The following LIMS1 variants were observed in gnomAD, a reference collection of about 807,000 sequenced individuals.
The protein encoded by LIMS1 is LIM and senescent cell antigen-like-containing domain protein 1.
LIMS1 carries 18 observed loss-of-function variants against 44.1 expected under a neutral mutation model. The ratio of observed to expected loss-of-function variants is 0.41; its 90% CI spans 0.28 to 0.61. LIMS1 has a LOEUF of 0.61. Ranked by LOEUF, LIMS1 falls within the 20% of genes least tolerant of loss-of-function variation. LIMS1 has a pLI of 0.32. For synonymous variants in LIMS1, 93 were observed against 149.1 expected (o/e 0.62, Z 2.74); for missense variants, 201 against 422.0 (o/e 0.48, Z 4.59).
In LIMS1 at chr2:108,666,129, C is replaced by T. The variant is rs181449935; in HGVS notation, c.193-4652C>T. 2.0e-4 allele frequency among the ~76,000 whole-genome samples: 31 copies of T among 152,252 alleles called. No homozygotes were observed. The East Asian group carries it at 3.3e-3, about 16-fold the overall frequency. ...ACACTATCTACCTGGAGACCACAGA[C>T]TGAGGGGCAGCCCCAGGACTGTCCT... On this transcript the variant is annotated intron_variant, in intron 2 of 9. Coordinates refer to ENST00000544547, the Ensembl canonical transcript of LIMS1.
At chr2:108,659,699 T>C (rs1465612398) in exon 2 of LIMS1, 11 of 1,612,350 alleles carry the variant, frequency 6.8e-6, no homozygotes, top group Non-Finnish European at 9.3e-6. Context: ...TGGGGAGCTG[T>C]ACCATGAGCA....
At chr2:108,609,498 G>A in intron 1 of LIMS1, among the ~76,000 whole-genome samples, 1 of 152,162 alleles carries the variant, frequency 6.6e-6, no homozygotes, top group East Asian at 1.9e-4. Flanking sequence ...TTTCCAGAGT[G>A]AGGCGCCCAC....
At chr2:108,591,293 T>G (rs12622759) in intron 1 of LIMS1, among the ~76,000 whole-genome samples, 62,694 of 151,948 alleles carry the variant, frequency 0.41, 14,863 homozygotes, top group East Asian at 0.94. Context: ...TAATGCCAGA[T>G]GTGTGAACAT....
At chr2:108,588,629 G>A (rs901968510) in intron 1 of LIMS1, 3 of 983,428 alleles carry the variant, frequency 3.1e-6, no homozygotes, top group Non-Finnish European at 3.6e-6. Flanking sequence ...CAAACACAGG[G>A]TATTGTTGTA....
At chr2:108,596,560 A>G (rs372637721) in intron 1 of LIMS1, among the ~76,000 whole-genome samples, 3,515 of 152,076 alleles carry the variant, frequency 0.023, no homozygotes, top group African/African-American at 0.058. Flanking sequence ...GGCATGGCAC[A>G]CGCCTGTAAT....
intron 1 of LIMS1, among the ~76,000 whole-genome samples, chr2:108,564,860 C>G (rs145166492): frequency 8.2e-4 from 125 of 152,034 alleles, no homozygotes; most frequent in Non-Finnish European, 1.4e-3. Flanking sequence ...ACTGTGTAGC[C>G]TAAGGGAACT....
chr2:108,594,273 A>G (rs1156296858), intron 1 of LIMS1, among the ~76,000 whole-genome samples: 1 of 152,166 alleles, frequency 6.6e-6, no homozygotes, highest in Non-Finnish European at 1.5e-5. Context: ...GAGTGGAGAA[A>G]AAGGAACAAA....
chr2:108,562,026 G>A (rs1301819688), intron 1 of LIMS1, among the ~76,000 whole-genome samples: 1 of 152,114 alleles, frequency 6.6e-6, no homozygotes, highest in East Asian at 1.9e-4. Flanking sequence ...ACAGGCATGA[G>A]CCACCATGCC....
At chr2:108,599,525 CT>C (rs1686888798) in intron 1 of LIMS1, among the ~76,000 whole-genome samples, 2 of 152,130 alleles carry the variant, frequency 1.3e-5, no homozygotes, top group South Asian at 4.1e-4. Context: ...GATTTCCTTT[CT>C]TTAGTTTATA....
intron 1 of LIMS1, among the ~76,000 whole-genome samples, chr2:108,594,066 A>G (rs1357530562): frequency 6.6e-6 from 1 of 152,188 alleles, no homozygotes; most frequent in African/African-American, 2.4e-5. Context: ...AAAGGAGAAA[A>G]TGAGCAGCAG....
upstream of LIMS1, chr2:108,533,916 G>C (rs990232000): frequency 6.5e-6 from 1 of 152,948 alleles, no homozygotes; most frequent in African/African-American, 2.4e-5. Flanking sequence ...AGCCCGGCCT[G>C]CCCGACAGAG....
intron 1 of LIMS1, among the ~76,000 whole-genome samples, chr2:108,629,809 G>T (rs752634898): frequency 4.6e-5 from 7 of 152,218 alleles, no homozygotes; most frequent in Non-Finnish European, 7.3e-5. Context: ...AGAAGGCTAT[G>T]TGGCCTAGAC....
chr2:108,559,954 C>T (rs1029511958), intron 1 of LIMS1, among the ~76,000 whole-genome samples: 3 of 152,010 alleles, frequency 2.0e-5, no homozygotes, highest in South Asian at 4.1e-4. Flanking sequence ...GCCAGCCCCA[C>T]CACCTCCCAT....
At chr2:108,637,087 A>G (rs1689309737) in intron 1 of LIMS1, among the ~76,000 whole-genome samples, 1 of 146,296 alleles carries the variant, frequency 6.8e-6, no homozygotes, top group Admixed American at 7.3e-5. Flanking sequence ...AAATTCAGCA[A>G]AATATACATA....
At chr2:108,611,890 AC>A (rs1687636407) in intron 1 of LIMS1, among the ~76,000 whole-genome samples, 1 of 145,200 alleles carries the variant, frequency 6.9e-6, no homozygotes, top group Non-Finnish European at 1.5e-5. Context: ...TAAAATATAT[AC>A]ACACATATAT....
At chr2:108,681,029 A>G (rs1448684339) in intron 9 of LIMS1, 4 of 1,280,516 alleles carry the variant, frequency 3.1e-6, no homozygotes, top group Non-Finnish European at 4.0e-6. Context: ...AGAAAATGCC[A>G]GAAGAATTTA....
At chr2:108,684,136 A>G (rs1693188692) in exon 10 of LIMS1, 3 of 477,668 alleles carry the variant, frequency 6.3e-6, no homozygotes, top group Non-Finnish European at 3.8e-6. Flanking sequence ...TCATTTTTTT[A>G]ATTAAAAAAG....
At chr2:108,658,674 T>A (rs1449099464) in intron 1 of LIMS1, among the ~76,000 whole-genome samples, 1 of 152,254 alleles carries the variant, frequency 6.6e-6, no homozygotes, top group African/African-American at 2.4e-5. Flanking sequence ...CCTGAGATTA[T>A]TTATTGAATG....
chr2:108,676,489 G>A, intron 6 of LIMS1, 117 bp from the exon 7 acceptor site: 1 of 1,270,114 alleles, frequency 7.9e-7, no homozygotes, highest in Non-Finnish European at 1.1e-6. Context: ...ATGGCCAAAT[G>A]AAATGACTGT....
Sources: allele counts gnomAD v4.1 joint callset (sites outside exome capture counted in the v4.1 genomes callset), GRCh38; gene constraint gnomAD v4.1.1; transcripts MANE v1.5; gene names NCBI Gene and HGNC (gene_info 2026-07-23, HGNC 2026-07-21).